CHCHD6: variants seen among roughly 807,000 people sequenced by gnomAD.
CHCHD6 encodes the protein MICOS complex subunit MIC25.
A neutral mutation model predicts 32.3 loss-of-function variants in CHCHD6; 28 were observed. The observed-to-expected ratio is 0.87, with a 90% confidence interval of 0.64 to 1.19. The LOEUF is 1.19. Among genes scored for constraint, CHCHD6 ranks in the 50% most tolerant of loss-of-function variants. The pLI is 0.00. For missense variants in CHCHD6, 333 were observed against 307.0 expected, an observed-to-expected ratio of 1.08 and a Z score of -0.63; for synonymous variants, 122 against 117.5, an observed-to-expected ratio of 1.04 and a Z score of -0.25.
At chr3:126,760,244 T>C (rs1937111544) in intron 4 of CHCHD6, among the ~76,000 whole-genome samples, 1 of 152,264 alleles carries the variant, frequency 6.6e-6, no homozygotes, top group Admixed American at 6.5e-5. Context: ...GCTTTGCAAG[T>C]GTGTGGGATA....
At chr3:126,720,906 C>T (rs1355042740) in intron 1 of CHCHD6, among the ~76,000 whole-genome samples, 3 of 152,100 alleles carry the variant, frequency 2.0e-5, no homozygotes, top group Non-Finnish European at 2.9e-5. Flanking sequence ...TTGCTACAGC[C>T]GCAAAAAAGG....
chr3:126,853,139 T>C (rs978948953), intron 5 of CHCHD6, among the ~76,000 whole-genome samples: 2 of 152,138 alleles, frequency 1.3e-5, no homozygotes, highest in Non-Finnish European at 2.9e-5. Context: ...AGTTTTATTA[T>C]TGATTTTCTC....
rs551041419 is a variant in CHCHD6, at chr3:126,858,859, T to C, written c.495+6129T>C. ...GTCAGGTGCTGTGAGACAAGGGTCA[T>C]GGGCACAGAATGAGGGCTGGGTGTG... is the stretch of plus-strand genomic sequence containing the variant. On this transcript the variant is annotated intron_variant, in intron 5 of 7. Coordinates refer to ENST00000290913, the MANE Select transcript of CHCHD6 (RefSeq NM_032343.3). Among the ~76,000 whole-genome samples, 4 of 152,328 alleles carry C rather than the reference T, an allele frequency of 2.6e-5. No homozygotes were observed. The East Asian group carries it at 7.7e-4, about 29-fold the overall frequency.
chr3:126,746,929 C>G (rs1936528473), intron 4 of CHCHD6, among the ~76,000 whole-genome samples: 1 of 152,138 alleles, frequency 6.6e-6, no homozygotes, highest in Admixed American at 6.5e-5. Context: ...ACAGGCAGCG[C>G]TCTGCTGGCA....
intron 7 of CHCHD6, among the ~76,000 whole-genome samples, chr3:126,959,383 C>T (rs1307912781): frequency 6.6e-6 from 1 of 152,242 alleles, no homozygotes; most frequent in African/African-American, 2.4e-5. Context: ...CTGACTCCCT[C>T]GGAGCCCCAG....
At chr3:126,910,306 C>T (rs183976935) in intron 5 of CHCHD6, among the ~76,000 whole-genome samples, 1,771 of 76,422 alleles carry the variant, frequency 0.023, 17 homozygotes, top group Middle Eastern at 0.13. Flanking sequence ...CAAATCTTCC[C>T]TGCCCCTCCT....
intron 4 of CHCHD6, among the ~76,000 whole-genome samples, chr3:126,785,088 C>T (rs1398003532): frequency 6.6e-6 from 1 of 152,144 alleles, no homozygotes; most frequent in Non-Finnish European, 1.5e-5. Flanking sequence ...TCATCTTGCA[C>T]AACTTGCACG....
intron 4 of CHCHD6, among the ~76,000 whole-genome samples, chr3:126,740,164 A>C (rs1936229710): frequency 6.6e-6 from 1 of 152,114 alleles, no homozygotes; most frequent in Non-Finnish European, 1.5e-5. Context: ...GGGTTCATCT[A>C]AGTTTTCCTG....
chr3:126,747,482 C>T (rs914494659), intron 4 of CHCHD6, among the ~76,000 whole-genome samples: 1 of 152,146 alleles, frequency 6.6e-6, no homozygotes, highest in Admixed American at 6.5e-5. Flanking sequence ...AATTATGTAC[C>T]TAAACATTTT....
intron 5 of CHCHD6, 82 bp downstream of exon 5, chr3:126,852,812 A>AGAG: frequency 1.0e-6 from 1 of 959,320 alleles, no homozygotes; most frequent in Non-Finnish European, 1.7e-6. Context: ...ATGGGGGGAG[A>AGAG]GAGGAGTCCG....
At chr3:126,741,258 T>C (rs1254688164) in intron 4 of CHCHD6, among the ~76,000 whole-genome samples, 5 of 152,090 alleles carry the variant, frequency 3.3e-5, no homozygotes, top group Non-Finnish European at 7.4e-5. Context: ...GTTGGGAAAG[T>C]TAGGATTTAC....
At position 126,786,599 on chromosome 3, in the gene CHCHD6, T is replaced by C. The variant is rs536349720; in HGVS notation, c.411+53377T>C. Among the ~76,000 whole-genome samples, 25 of 152,356 alleles carry C rather than the reference T, an allele frequency of 1.6e-4. No homozygotes were observed. In the East Asian group the frequency reaches 4.8e-3, roughly 29 times the overall value. On this transcript the variant is annotated intron_variant, in intron 4 of 7. Transcript: ENST00000290913. ...GCCAGTGATGATGAGCATTTTTTCA[T>C]GTGTCTTTTGGCTGCATAAATGTCT...
chr3:126,759,375 C>G (rs997895673), intron 4 of CHCHD6, among the ~76,000 whole-genome samples: 2 of 152,224 alleles, frequency 1.3e-5, no homozygotes, highest in Admixed American at 6.5e-5. Context: ...ATTGTACTTT[C>G]TACCTCATAC....
chr3:126,868,214 A>G (rs1237898700), intron 5 of CHCHD6, among the ~76,000 whole-genome samples: 2 of 152,208 alleles, frequency 1.3e-5, no homozygotes, highest in African/African-American at 4.8e-5. Flanking sequence ...CCTGACAAAC[A>G]TACAGCAGCT....
rs140780577 is a variant in CHCHD6, at chr3:126,723,230, CTATTAT to C, written c.88-3833_88-3828del. ...ATATATCTTAAATACTACAGGGACTCTATTATTATTATTATTATTACAATCTTTTGT... is the reference window on the plus strand; with the variant it reads ...ATATATCTTAAATACTACAGGGACTCTATTATTATTATTACAATCTTTTGT... On this transcript the variant is annotated intron_variant, in intron 1 of 7. Transcript: ENST00000290913. Among the ~76,000 whole-genome samples, 14 of 151,820 alleles carry C rather than the reference CTATTAT, an allele frequency of 9.2e-5. No individual in the cohort carries two copies. The South Asian group carries it at 1.0e-3, about 11-fold the overall frequency.
chr3:126,957,858 G>A, intron 7 of CHCHD6: 1 of 472,492 alleles, frequency 2.1e-6, no homozygotes, highest in Non-Finnish European at 3.9e-6. Flanking sequence ...CGGGCCCCTT[G>A]TGGGTGCCGG....
intron 6 of CHCHD6, among the ~76,000 whole-genome samples, chr3:126,952,575 G>T (rs777642857): frequency 1.3e-5 from 2 of 152,192 alleles, no homozygotes; most frequent in African/African-American, 2.4e-5. Flanking sequence ...CGTCAGCTGA[G>T]CAGTGAGGCT....
intron 5 of CHCHD6, among the ~76,000 whole-genome samples, chr3:126,906,445 A>G (rs1273424902): frequency 6.6e-6 from 1 of 152,210 alleles, no homozygotes; most frequent in Non-Finnish European, 1.5e-5. Context: ...CTGCGGCTTG[A>G]GGCCCAACCC....
chr3:126,819,292 C>G (rs1940051334), intron 4 of CHCHD6, among the ~76,000 whole-genome samples: 1 of 152,186 alleles, frequency 6.6e-6, no homozygotes, highest in African/African-American at 2.4e-5. Context: ...CCCATCAATC[C>G]CAGATTGGTA....
Sources: allele counts gnomAD v4.1 joint callset (sites outside exome capture counted in the v4.1 genomes callset), GRCh38; gene constraint gnomAD v4.1.1; transcripts MANE v1.5; gene names NCBI Gene and HGNC (gene_info 2026-07-23, HGNC 2026-07-21).